UXS1: variants seen among roughly 807,000 people sequenced by gnomAD.
UXS1 encodes UDP-glucuronic acid decarboxylase 1.
Under a neutral mutation model 62.6 loss-of-function variants are expected in UXS1, and 33 were observed. The ratio of observed to expected loss-of-function variants is 0.53; its 90% CI spans 0.40 to 0.70. The LOEUF (loss-of-function observed/expected upper bound fraction) is 0.70, where lower values mean the gene tolerates loss of function less well. UXS1 is among the 30% of genes least tolerant of loss of function. The probability of loss-of-function intolerance (pLI) is 0.00; values close to 1 mark genes in which losing one functional copy is unlikely to be tolerated. For missense variants in UXS1, 434 were observed against 556.3 expected, an observed-to-expected ratio of 0.78 and a Z score of 2.21; for synonymous variants, 213 against 206.8, an observed-to-expected ratio of 1.03 and a Z score of -0.26.
At chr2:106,171,470 G>A (rs1193346534) in intron 1 of UXS1, among the ~76,000 whole-genome samples, 2 of 152,186 alleles carry the variant, frequency 1.3e-5, no homozygotes, top group Non-Finnish European at 2.9e-5. Context: ...GTGAAATTGT[G>A]TGTTCACAGG....
At chr2:106,096,023 C>G (rs1677053404) in intron 14 of UXS1, among the ~76,000 whole-genome samples, 1 of 152,242 alleles carries the variant, frequency 6.6e-6, no homozygotes, top group Non-Finnish European at 1.5e-5. Context: ...CCTCCACACC[C>G]TTCAGTCTCG....
intron 1 of UXS1, among the ~76,000 whole-genome samples, chr2:106,187,445 C>T (rs954990024): frequency 6.6e-6 from 1 of 152,106 alleles, no homozygotes; most frequent in Non-Finnish European, 1.5e-5. Context: ...AATTGTGTCC[C>T]GAATGAATTT....
At chr2:106,156,743 A>G (rs927899347) in intron 5 of UXS1, among the ~76,000 whole-genome samples, 33 of 152,344 alleles carry the variant, frequency 2.2e-4, no homozygotes, top group African/African-American at 7.7e-4. Context: ...TGTTTAGGGA[A>G]TAATAACCTG....
intron 9 of UXS1, among the ~76,000 whole-genome samples, chr2:106,118,502 G>A (rs1679246841): frequency 6.6e-6 from 1 of 152,124 alleles, no homozygotes; most frequent in Admixed American, 6.5e-5. Flanking sequence ...CTACGGGAGA[G>A]GCCCCCACAT....
intron 12 of UXS1, among the ~76,000 whole-genome samples, chr2:106,100,546 G>A (rs1677505361): frequency 6.6e-6 from 1 of 152,222 alleles, no homozygotes; most frequent in Non-Finnish European, 1.5e-5. Flanking sequence ...AAGTTCACCA[G>A]CACTGAAACT....
intron 5 of UXS1, among the ~76,000 whole-genome samples, chr2:106,149,131 A>G (rs1465251143): frequency 6.6e-6 from 1 of 152,258 alleles, no homozygotes; most frequent in Non-Finnish European, 1.5e-5. Flanking sequence ...ACAATATACC[A>G]GACTCACATG....
intron 10 of UXS1, among the ~76,000 whole-genome samples, chr2:106,112,393 C>T (rs539160543): frequency 1.3e-5 from 2 of 152,354 alleles, no homozygotes; most frequent in Admixed American, 6.5e-5. Flanking sequence ...CCGGCTGGTA[C>T]AGGCAGGCAG....
At chr2:106,177,880 C>T (rs894136592) in intron 1 of UXS1, among the ~76,000 whole-genome samples, 7 of 152,250 alleles carry the variant, frequency 4.6e-5, no homozygotes, top group African/African-American at 1.7e-4. Context: ...GCCATCTGGC[C>T]TTAGCAAGGT....
At chr2:106,102,114 C>T (rs1025970066) in intron 11 of UXS1, 1 of 152,212 alleles carries the variant, frequency 6.6e-6, no homozygotes, top group African/African-American at 2.4e-5. Flanking sequence ...TCCTTTACGA[C>T]AAATGCGTAT....
At chr2:106,112,870 C>T in intron 9 of UXS1, 105 bp from the exon 10 acceptor site, 2 of 1,457,562 alleles carry the variant, frequency 1.4e-6, no homozygotes, top group Non-Finnish European at 1.8e-6. Context: ...AAACGTTCTG[C>T]TTTCCATTCC....
chr2:106,148,774 C>A (rs1218585057), intron 5 of UXS1, among the ~76,000 whole-genome samples: 1 of 152,192 alleles, frequency 6.6e-6, no homozygotes, highest in Non-Finnish European at 1.5e-5. Context: ...AAAGCTCTAT[C>A]AGGAACACTA....
At chr2:106,153,066 G>C (rs926698354) in intron 5 of UXS1, among the ~76,000 whole-genome samples, 4 of 152,206 alleles carry the variant, frequency 2.6e-5, no homozygotes, top group Non-Finnish European at 4.4e-5. Context: ...TCAAGAACAA[G>C]GGAGATGCAG....
chr2:106,096,062 G>C, intron 14 of UXS1, among the ~76,000 whole-genome samples: 1 of 152,230 alleles, frequency 6.6e-6, no homozygotes, highest in Non-Finnish European at 1.5e-5. Flanking sequence ...CTCCACTGCG[G>C]GGCTGATGGG....
At chr2:106,128,032 G>T (rs1020668596) in intron 7 of UXS1, among the ~76,000 whole-genome samples, 1 of 152,182 alleles carries the variant, frequency 6.6e-6, no homozygotes, top group South Asian at 2.1e-4. Context: ...ATCTGAATCT[G>T]CCCCAGTGAC....
At chr2:106,096,575 G>T in intron 14 of UXS1, 143 bp downstream of exon 14, 1 of 624,766 alleles carries the variant, frequency 1.6e-6, no homozygotes, top group Non-Finnish European at 2.7e-6. Flanking sequence ...TTTACCACTT[G>T]GAGAAAACCC....
intron 5 of UXS1, among the ~76,000 whole-genome samples, chr2:106,152,792 G>T (rs1682140109): frequency 6.6e-6 from 1 of 152,052 alleles, no homozygotes; most frequent in Non-Finnish European, 1.5e-5. Flanking sequence ...CCTAGACAGG[G>T]AAGGCTGAGA....
chr2:106,095,191 T>G (rs1168860509), intron 14 of UXS1, among the ~76,000 whole-genome samples: 1 of 152,210 alleles, frequency 6.6e-6, no homozygotes, highest in Non-Finnish European at 1.5e-5. Flanking sequence ...ACATAGTGAA[T>G]GTATATTTAA....
At chr2:106,122,446 C>T (rs552765121) in intron 9 of UXS1, among the ~76,000 whole-genome samples, 1 of 152,320 alleles carries the variant, frequency 6.6e-6, no homozygotes, top group Non-Finnish European at 1.5e-5. Flanking sequence ...GTGGCAACCT[C>T]GGCCTCTTGG....
chr2:106,117,388 C>A (rs1361431096), intron 9 of UXS1, among the ~76,000 whole-genome samples: 1 of 152,110 alleles, frequency 6.6e-6, no homozygotes, highest in African/African-American at 2.4e-5. Context: ...AGAAATATGC[C>A]TGGGAACTTA....
Sources: gnomAD v4.1 joint callset for allele counts (sites outside exome capture counted in the v4.1 genomes callset) on GRCh38, gnomAD v4.1.1 for gene constraint, MANE v1.5 for transcripts, NCBI Gene and HGNC (gene_info 2026-07-23, HGNC 2026-07-21) for gene names.